DGKB: variants seen among roughly 807,000 people sequenced by gnomAD.
DGKB encodes the protein 90 kDa diacylglycerol kinase.
A neutral mutation model predicts 114.3 loss-of-function variants in DGKB; 67 were observed. That is an observed-to-expected ratio of 0.59 (90% CI 0.48 to 0.72). The LOEUF is 0.72. DGKB is among the 30% of genes least tolerant of loss of function. The probability of loss-of-function intolerance (pLI) is 0.00; values close to 1 mark genes in which losing one functional copy is unlikely to be tolerated. For synonymous variants in DGKB, 398 were observed against 323.1 expected (o/e 1.23, Z -2.49); for missense variants, 907 against 975.2 (o/e 0.93, Z 0.93).
intron 23 of DGKB, among the ~76,000 whole-genome samples, chr7:14,179,710 T>C (rs1046276637): frequency 1.8e-4 from 27 of 152,192 alleles, no homozygotes; most frequent in African/African-American, 6.5e-4. Context: ...AAAAGCACTT[T>C]AAAAAGAATA....
intron 21 of DGKB, among the ~76,000 whole-genome samples, chr7:14,444,522 G>C (rs139916495): frequency 0.013 from 2,049 of 151,826 alleles, 21 homozygotes; most frequent in Middle Eastern, 0.02. Context: ...TAACTTATTT[G>C]ATTTCTCTAA....
At chr7:14,407,327 A>C (rs1192062731) in intron 21 of DGKB, among the ~76,000 whole-genome samples, 1 of 152,140 alleles carries the variant, frequency 6.6e-6, no homozygotes, top group African/African-American at 2.4e-5. Flanking sequence ...AAACAACCTC[A>C]AAAATCCTAT....
chr7:14,527,761 T>C (rs1435503113), intron 20 of DGKB, among the ~76,000 whole-genome samples: 1 of 152,086 alleles, frequency 6.6e-6, no homozygotes, highest in African/African-American at 2.4e-5. Flanking sequence ...TAGAATGAAA[T>C]TACATATTTT....
chr7:14,706,527 C>G (rs1319957976), intron 6 of DGKB, among the ~76,000 whole-genome samples: 1 of 145,456 alleles, frequency 6.9e-6, no homozygotes, highest in Non-Finnish European at 1.5e-5. Context: ...TTTTCAGCAC[C>G]ACACCACACC....
intron 1 of DGKB, among the ~76,000 whole-genome samples, chr7:14,855,153 A>G (rs1349446129): frequency 6.6e-6 from 1 of 152,204 alleles, no homozygotes; most frequent in African/African-American, 2.4e-5. Context: ...CTATCTCAAA[A>G]AAAGATTGGT....
intron 13 of DGKB, among the ~76,000 whole-genome samples, chr7:14,661,719 G>T (rs1817122413): frequency 6.6e-6 from 1 of 151,330 alleles, no homozygotes; most frequent in African/African-American, 2.4e-5. Flanking sequence ...ATACCCAAAG[G>T]ACTATAAATC....
chr7:14,805,349 GGAT>G (rs1842667368), intron 2 of DGKB, among the ~76,000 whole-genome samples: 1 of 152,008 alleles, frequency 6.6e-6, no homozygotes, highest in South Asian at 2.1e-4. Flanking sequence ...ACCTGTGAGT[GGAT>G]TAGTGTAAGA....
At chr7:14,671,245 T>C (rs1036228535) in intron 13 of DGKB, among the ~76,000 whole-genome samples, 1 of 152,004 alleles carries the variant, frequency 6.6e-6, no homozygotes, top group Non-Finnish European at 1.5e-5. Context: ...CCAGGAAAGA[T>C]ACTGAAAGCA....
At chr7:14,682,419 A>G in intron 12 of DGKB, 134 bp downstream of exon 12, 3 of 654,928 alleles carry the variant, frequency 4.6e-6, no homozygotes, top group Middle Eastern at 5.4e-4. Context: ...AACAAGCTGA[A>G]ATGAGAAGTT....
chr7:14,599,765 T>C (rs1484801401), intron 17 of DGKB, among the ~76,000 whole-genome samples: 1 of 152,192 alleles, frequency 6.6e-6, no homozygotes, highest in Non-Finnish European at 1.5e-5. Context: ...ATTGAATAAA[T>C]GTTTTGAACC....
chr7:14,931,070 T>A (rs1229051232), intron 1 of DGKB, among the ~76,000 whole-genome samples: 2 of 152,114 alleles, frequency 1.3e-5, no homozygotes, highest in Non-Finnish European at 2.9e-5. Context: ...TTGGTTATAG[T>A]GTATTAACGT....
intron 2 of DGKB, among the ~76,000 whole-genome samples, chr7:14,779,600 A>T (rs905184373): frequency 6.6e-6 from 1 of 152,210 alleles, no homozygotes; most frequent in African/African-American, 2.4e-5. Context: ...AAAATAACAA[A>T]AGGTATAAAA....
At chr7:14,403,538 A>ATGCT (rs1823465476) in intron 21 of DGKB, among the ~76,000 whole-genome samples, 1 of 151,958 alleles carries the variant, frequency 6.6e-6, no homozygotes, top group Non-Finnish European at 1.5e-5. Flanking sequence ...AAAACCCCAA[A>ATGCT]TGCAAGGCCT....
intron 25 of DGKB, chr7:14,176,065 A>G (rs545020526): frequency 6.6e-6 from 1 of 151,788 alleles, no homozygotes; most frequent in Non-Finnish European, 1.5e-5. Flanking sequence ...TATTCTCCAC[A>G]CCTAATCCAG....
chr7:14,825,543 C>T (rs1420641924), intron 2 of DGKB, among the ~76,000 whole-genome samples: 1 of 152,074 alleles, frequency 6.6e-6, no homozygotes. Context: ...GCTCCCGTGA[C>T]ATCTAATACC....
At chr7:14,896,548 C>G (rs1782130019) in intron 1 of DGKB, among the ~76,000 whole-genome samples, 1 of 151,368 alleles carries the variant, frequency 6.6e-6, no homozygotes, top group African/African-American at 2.4e-5. Context: ...ACTACTGATA[C>G]TTTTTCTCTG....
At chr7:14,657,233 T>C (rs1180904415) in intron 13 of DGKB, among the ~76,000 whole-genome samples, 2 of 151,854 alleles carry the variant, frequency 1.3e-5, no homozygotes, top group Non-Finnish European at 2.9e-5. Flanking sequence ...TCTTAATGTG[T>C]TCCTCATCAG....
chr7:14,194,456 A>C (rs1214846448), intron 23 of DGKB, among the ~76,000 whole-genome samples: 1 of 152,166 alleles, frequency 6.6e-6, no homozygotes. Flanking sequence ...AGAATGATAA[A>C]TACCACATTA....
intron 12 of DGKB, among the ~76,000 whole-genome samples, chr7:14,680,078 A>G (rs1177471554): frequency 1.3e-5 from 2 of 151,950 alleles, no homozygotes; most frequent in African/African-American, 4.8e-5. Flanking sequence ...ATAGAAAATA[A>G]GGCTGAGGAT....
Sources: gnomAD v4.1 joint callset for allele counts (sites outside exome capture counted in the v4.1 genomes callset) on GRCh38, gnomAD v4.1.1 for gene constraint, MANE v1.5 for transcripts, NCBI Gene and HGNC (gene_info 2026-07-23, HGNC 2026-07-21) for gene names.